The following SBF2 variants were observed in gnomAD, a reference collection of about 807,000 sequenced individuals.
SBF2 encodes the protein myotubularin-related protein 13.
Under a neutral mutation model 225.2 loss-of-function variants are expected in SBF2, and 112 were observed. The ratio of observed to expected loss-of-function variants is 0.50; its 90% CI spans 0.43 to 0.58. SBF2 has a LOEUF of 0.58. Ranked by LOEUF, SBF2 falls within the 20% of genes least tolerant of loss-of-function variation. SBF2 has a pLI of 0.00. For synonymous variants in SBF2, 763 were observed against 773.3 expected, an observed-to-expected ratio of 0.99 and a Z score of 0.22; for missense variants, 1,996 against 2,206.2, an observed-to-expected ratio of 0.90 and a Z score of 1.91.
intron 13 of SBF2, among the ~76,000 whole-genome samples, chr11:9,986,783 A>T (rs1228121414): frequency 6.6e-6 from 1 of 152,204 alleles, no homozygotes. Context: ...AATGGTAATT[A>T]AAAAATTACC....
At chr11:10,159,308 T>C (rs1272022562) in intron 2 of SBF2, among the ~76,000 whole-genome samples, 1 of 152,220 alleles carries the variant, frequency 6.6e-6, no homozygotes, top group Non-Finnish European at 1.5e-5. Flanking sequence ...TAGATTACAT[T>C]TGTGGGACTA....
intron 30 of SBF2, 62 bp downstream of exon 30, chr11:9,812,460 ATACAGTTCTG>A: frequency 6.6e-7 from 1 of 1,525,284 alleles, no homozygotes; most frequent in Non-Finnish European, 9.0e-7. Context: ...TTTTTCTCAA[ATACAGTTCTG>A]TATATCTACT....
chr11:9,849,343 T>C (rs1429054190), intron 22 of SBF2, among the ~76,000 whole-genome samples: 2 of 152,200 alleles, frequency 1.3e-5, no homozygotes, highest in Non-Finnish European at 2.9e-5. Flanking sequence ...TGGAGTCCTG[T>C]TGTTTTGCCC....
At chr11:9,807,967 C>T (rs377137139) in intron 32 of SBF2, 33 bp downstream of exon 32, 1 of 1,593,182 alleles carries the variant, frequency 6.3e-7, no homozygotes, top group African/African-American at 1.3e-5. Context: ...TTCTTTCCTT[C>T]ATATCAAGTC....
chr11:9,930,527 C>T (rs193295641), intron 16 of SBF2, among the ~76,000 whole-genome samples: 6 of 152,168 alleles, frequency 3.9e-5, no homozygotes, highest in Non-Finnish European at 8.8e-5. Context: ...CAAAAGAGTA[C>T]AAGAAACTTT....
chr11:9,935,870 G>C (rs1864859726), intron 16 of SBF2, among the ~76,000 whole-genome samples: 1 of 152,146 alleles, frequency 6.6e-6, no homozygotes, highest in African/African-American at 2.4e-5. Flanking sequence ...GAAAACCTAG[G>C]CAATACCATT....
intron 6 of SBF2, among the ~76,000 whole-genome samples, chr11:10,009,405 C>T (rs901946642): frequency 2.6e-5 from 4 of 152,154 alleles, no homozygotes; most frequent in Non-Finnish European, 5.9e-5. Flanking sequence ...CTGTCCCTTC[C>T]CTACCCTCCC....
At chr11:10,133,762 T>C (rs1954213000) in intron 2 of SBF2, among the ~76,000 whole-genome samples, 1 of 151,624 alleles carries the variant, frequency 6.6e-6, no homozygotes, top group Admixed American at 6.6e-5. Flanking sequence ...CACAGTGCAA[T>C]GGGGGACTGA....
At chr11:10,176,149 A>G (rs1253852841) in intron 2 of SBF2, among the ~76,000 whole-genome samples, 1 of 140,958 alleles carries the variant, frequency 7.1e-6, no homozygotes, top group Non-Finnish European at 1.6e-5. Flanking sequence ...CAACGAGAAC[A>G]AAGACACAAC....
At chr11:10,076,834 T>C (rs918467289) in intron 2 of SBF2, among the ~76,000 whole-genome samples, 3 of 152,200 alleles carry the variant, frequency 2.0e-5, no homozygotes, top group Admixed American at 6.5e-5. Context: ...CTGATCCTCC[T>C]TGGGGACAGC....
chr11:10,063,342 ATATT>A (rs1206205083), intron 2 of SBF2, among the ~76,000 whole-genome samples: 4 of 90,224 alleles, frequency 4.4e-5, no homozygotes, highest in Admixed American at 1.2e-4. Context: ...ATATATATAT[ATATT>A]TTTTTAATTT....
intron 23 of SBF2, 74 bp from the exon 24 acceptor site, chr11:9,845,814 A>C: frequency 7.2e-7 from 1 of 1,390,368 alleles, no homozygotes; most frequent in Non-Finnish European, 1.0e-6. Context: ...ACAACAGAAT[A>C]TAATAACACA....
intron 2 of SBF2, among the ~76,000 whole-genome samples, chr11:10,113,563 C>T (rs1238975819): frequency 6.6e-6 from 1 of 151,884 alleles, no homozygotes; most frequent in Non-Finnish European, 1.5e-5. Flanking sequence ...CTAACACATG[C>T]CAGGTATTTC....
chr11:10,104,247 C>A (rs1030489300), intron 2 of SBF2, among the ~76,000 whole-genome samples: 5 of 152,076 alleles, frequency 3.3e-5, no homozygotes, highest in South Asian at 4.1e-4. Context: ...TCCTAAAACA[C>A]GATCTATCCT....
At chr11:9,831,132 G>A (rs997195334) in intron 27 of SBF2, among the ~76,000 whole-genome samples, 1 of 152,134 alleles carries the variant, frequency 6.6e-6, no homozygotes, top group African/African-American at 2.4e-5. Context: ...CTGAATAGCT[G>A]GGACTCAGGC....
intron 2 of SBF2, among the ~76,000 whole-genome samples, chr11:10,106,583 C>T (rs771242049): frequency 4.0e-5 from 6 of 149,440 alleles, no homozygotes; most frequent in Admixed American, 3.4e-4. Context: ...GAGCCAAAAT[C>T]GCACCACTGC....
At chr11:9,795,675 C>T (rs1218201476) in intron 33 of SBF2, among the ~76,000 whole-genome samples, 156 bp downstream of exon 33, 1 of 152,180 alleles carries the variant, frequency 6.6e-6, no homozygotes, top group Non-Finnish European at 1.5e-5. Context: ...CACGTAATTT[C>T]AGAATTTGGC....
chr11:10,293,577 G>A (rs1363266841), intron 1 of SBF2, among the ~76,000 whole-genome samples: 1 of 152,208 alleles, frequency 6.6e-6, no homozygotes, highest in Non-Finnish European at 1.5e-5. Context: ...TCCTTTCGGA[G>A]AGGACAACCC....
intron 17 of SBF2, among the ~76,000 whole-genome samples, chr11:9,885,881 G>A (rs569709490): frequency 1.5e-4 from 23 of 152,184 alleles, no homozygotes; most frequent in East Asian, 7.7e-4. Context: ...GACAACCTCC[G>A]TAGCGTTGCC....
Sources: allele counts gnomAD v4.1 joint callset (sites outside exome capture counted in the v4.1 genomes callset), GRCh38; gene constraint gnomAD v4.1.1; transcripts MANE v1.5; gene names NCBI Gene and HGNC (gene_info 2026-07-23, HGNC 2026-07-21).